Variants in BTBD9 observed in about 807,000 individuals in gnomAD.
BTBD9 encodes the protein BTB/POZ domain-containing protein 9.
A neutral mutation model predicts 64.3 loss-of-function variants in BTBD9; 49 were observed. The ratio of observed to expected loss-of-function variants is 0.76; its 90% confidence interval spans 0.61 to 0.97. BTBD9 has a LOEUF of 0.97. Ranked by LOEUF, BTBD9 falls within the 50% of genes least tolerant of loss-of-function variation. The pLI is 0.00. For missense variants in BTBD9, 598 were observed against 762.1 expected, an observed-to-expected ratio of 0.78 and a Z score of 2.53; for synonymous variants, 260 against 274.7, an observed-to-expected ratio of 0.95 and a Z score of 0.53.
At chr6:38,622,217 C>A (rs1028417696) in intron 1 of BTBD9, among the ~76,000 whole-genome samples, 6 of 152,176 alleles carry the variant, frequency 3.9e-5, no homozygotes, top group African/African-American at 1.4e-4. Context: ...TCTGGGGCAA[C>A]AAAGAATAGG....
intron 9 of BTBD9, among the ~76,000 whole-genome samples, chr6:38,212,805 C>CG (rs11385890): frequency 0.16 from 25,074 of 152,086 alleles, 2,286 homozygotes; most frequent in African/African-American, 0.23. Flanking sequence ...TCCAAGGAGA[C>CG]GGCCTCCTCC....
At chr6:38,314,576 A>G (rs1762964163) in intron 7 of BTBD9, among the ~76,000 whole-genome samples, 1 of 152,174 alleles carries the variant, frequency 6.6e-6, no homozygotes, top group South Asian at 2.1e-4. Context: ...TCAGCAGTGA[A>G]GCACTTGGGT....
intron 6 of BTBD9, chr6:38,504,569 G>A: frequency 2.2e-6 from 1 of 456,654 alleles, no homozygotes; most frequent in Non-Finnish European, 4.4e-6. Context: ...TAAACTGCGG[G>A]TGAAATGTGG....
At chr6:38,417,796 G>GAA (rs1338274649) in intron 6 of BTBD9, among the ~76,000 whole-genome samples, 1 of 103,500 alleles carries the variant, frequency 9.7e-6, no homozygotes, top group Non-Finnish European at 2.0e-5. Context: ...GAGAGAGAGA[G>GAA]AGAGAAAAAA....
At chr6:38,519,265 T>C (rs4631264) in intron 6 of BTBD9, among the ~76,000 whole-genome samples, 11,569 of 152,262 alleles carry the variant, frequency 0.076, 1,050 homozygotes, top group East Asian at 0.23. Context: ...GGATTTGGGT[T>C]ACACTGTTGT....
intron 7 of BTBD9, among the ~76,000 whole-genome samples, chr6:38,310,352 C>T (rs1458496142): frequency 1.3e-5 from 2 of 151,814 alleles, no homozygotes; most frequent in African/African-American, 2.4e-5. Context: ...CGCAGTTTGG[C>T]TTCAAAGGCA....
intron 8 of BTBD9, among the ~76,000 whole-genome samples, chr6:38,270,287 C>T (rs894834585): frequency 1.3e-5 from 2 of 152,128 alleles, no homozygotes; most frequent in Non-Finnish European, 1.5e-5. Flanking sequence ...CCTGAGAACA[C>T]GGTCCTCGTG....
chr6:38,247,891 G>A (rs1399009813), intron 9 of BTBD9, among the ~76,000 whole-genome samples: 1 of 151,856 alleles, frequency 6.6e-6, no homozygotes, highest in Non-Finnish European at 1.5e-5. Flanking sequence ...TCAAATAATG[G>A]CAAGGACAAG....
At chr6:38,300,339 G>A (rs1262978281) in intron 7 of BTBD9, among the ~76,000 whole-genome samples, 8 of 152,060 alleles carry the variant, frequency 5.3e-5, no homozygotes, top group Admixed American at 3.3e-4. Flanking sequence ...TTGGCAATGC[G>A]GGCTTTTTTT....
chr6:38,221,309 G>A (rs771302976), intron 9 of BTBD9, among the ~76,000 whole-genome samples: 3 of 152,082 alleles, frequency 2.0e-5, no homozygotes, highest in Non-Finnish European at 2.9e-5. Flanking sequence ...GCAGTCAATC[G>A]AAACACTGCC....
intron 5 of BTBD9, among the ~76,000 whole-genome samples, chr6:38,579,195 G>A (rs954152203): frequency 6.6e-6 from 1 of 152,188 alleles, no homozygotes; most frequent in Admixed American, 6.5e-5. Context: ...CATGGGAAAT[G>A]CTGACTCACA....
intron 6 of BTBD9, among the ~76,000 whole-genome samples, chr6:38,531,941 A>T: frequency 6.6e-6 from 1 of 151,982 alleles, no homozygotes; most frequent in East Asian, 1.9e-4. Context: ...ACACCAATTT[A>T]ACAACTATCT....
At chr6:38,338,483 A>T (rs1763982707) in intron 7 of BTBD9, among the ~76,000 whole-genome samples, 1 of 152,184 alleles carries the variant, frequency 6.6e-6, no homozygotes. Flanking sequence ...TGCTGGTAAG[A>T]CACAAAAGTA....
chr6:38,570,898 G>A (rs1775735155), intron 6 of BTBD9, among the ~76,000 whole-genome samples: 1 of 152,172 alleles, frequency 6.6e-6, no homozygotes, highest in Non-Finnish European at 1.5e-5. Context: ...ATTTAAATAT[G>A]ATGGTGTAAA....
intron 6 of BTBD9, among the ~76,000 whole-genome samples, chr6:38,505,610 C>G (rs145748659): frequency 6.0e-5 from 9 of 149,756 alleles, no homozygotes; most frequent in African/African-American, 2.2e-4. Flanking sequence ...AGCGACACAG[C>G]GAGACTCTGT....
intron 7 of BTBD9, among the ~76,000 whole-genome samples, chr6:38,335,848 C>T (rs1328486066): frequency 3.3e-5 from 5 of 152,182 alleles, no homozygotes; most frequent in African/African-American, 1.2e-4. Context: ...ATTCTCCTGC[C>T]TTAGCCTCCC....
At chr6:38,553,149 A>C (rs750010166) in intron 6 of BTBD9, among the ~76,000 whole-genome samples, 1 of 151,964 alleles carries the variant, frequency 6.6e-6, no homozygotes, top group Non-Finnish European at 1.5e-5. Flanking sequence ...TGTTATTTTT[A>C]TTGTCTTTTT....
intron 6 of BTBD9, among the ~76,000 whole-genome samples, chr6:38,434,237 G>T (rs1171107283): frequency 1.3e-5 from 2 of 151,916 alleles, no homozygotes; most frequent in African/African-American, 4.9e-5. Flanking sequence ...TCCCAACCCT[G>T]AAGAGATTAA....
chr6:38,629,243 C>CT (rs1445577747), intron 1 of BTBD9, among the ~76,000 whole-genome samples: 1 of 152,118 alleles, frequency 6.6e-6, no homozygotes, highest in African/African-American at 2.4e-5. Context: ...AAGCCTAAAA[C>CT]TAGTCGGTGA....
Sources: allele counts gnomAD v4.1 joint callset (sites outside exome capture counted in the v4.1 genomes callset), GRCh38; gene constraint gnomAD v4.1.1; transcripts MANE v1.5; gene names NCBI Gene and HGNC (gene_info 2026-07-23, HGNC 2026-07-21).